NBEA: variants seen among roughly 807,000 people sequenced by gnomAD.
The protein encoded by NBEA is lysosomal-trafficking regulator 2.
A neutral mutation model predicts 343.4 loss-of-function variants in NBEA; 44 were observed. The ratio of observed to expected loss-of-function variants is 0.13; its 90% CI spans 0.10 to 0.16. The LOEUF is 0.16. Among genes scored for constraint, NBEA ranks in the 10% least tolerant of loss-of-function variants. NBEA has a pLI of 1.00. For missense variants in NBEA, 2,555 were observed against 3,631.3 expected (o/e 0.70, Z 7.62); for synonymous variants, 1,175 against 1,238.7 (o/e 0.95, Z 1.08).
At chr13:34,977,658 A>G (rs1243628376) in intron 1 of NBEA, among the ~76,000 whole-genome samples, 1 of 152,180 alleles carries the variant, frequency 6.6e-6, no homozygotes, top group African/African-American at 2.4e-5. Context: ...ATTAATCTGT[A>G]TTGAGAAGTA....
intron 10 of NBEA, 75 bp from the exon 11 acceptor site, chr13:35,098,222 T>A: frequency 9.8e-7 from 1 of 1,022,062 alleles, no homozygotes; most frequent in African/African-American, 1.6e-5. Context: ...TTTGGCATAA[T>A]AAAATACTGA....
chr13:35,609,841 G>A (rs2082428804), intron 48 of NBEA, among the ~76,000 whole-genome samples: 1 of 152,128 alleles, frequency 6.6e-6, no homozygotes, highest in Non-Finnish European at 1.5e-5. Context: ...TGCGCAGAAT[G>A]CTGTTTGGAA....
intron 46 of NBEA, among the ~76,000 whole-genome samples, chr13:35,587,871 C>T (rs906457840): frequency 2.0e-5 from 3 of 152,182 alleles, no homozygotes; most frequent in South Asian, 2.1e-4. Context: ...CCTACACATG[C>T]CCTTGTCTAT....
Position 35,621,528 on chromosome 13 carries a change from A to G in NBEA, c.7450-6553A>G, listed in dbSNP as rs1014742358. Among the ~76,000 whole-genome samples, 9 of 151,990 alleles carry G rather than the reference A, an allele frequency of 5.9e-5. No homozygotes were observed. In the East Asian group the frequency reaches 1.7e-3, roughly 29 times the overall value. ...TGCTGACACACCCTGTATCTTACTAATTATGTTAGTTTTTGTTGGTCTCCT... is the reference window on the plus strand; with the variant it reads ...TGCTGACACACCCTGTATCTTACTAGTTATGTTAGTTTTTGTTGGTCTCCT... On this transcript the variant is annotated intron_variant, in intron 48 of 58. Transcript: ENST00000379939.
intron 36 of NBEA, among the ~76,000 whole-genome samples, chr13:35,338,619 G>A (rs774863325): frequency 6.6e-6 from 1 of 151,972 alleles, no homozygotes; most frequent in African/African-American, 2.4e-5. Context: ...TATGAGGCGA[G>A]TATTACCCTT....
chr13:35,559,630 C>T (rs549019865), intron 44 of NBEA, among the ~76,000 whole-genome samples: 1 of 152,112 alleles, frequency 6.6e-6, no homozygotes, highest in Non-Finnish European at 1.5e-5. Context: ...TTGAAACATT[C>T]CTTGGCCGGG....
chr13:35,066,170 A>G (rs1459809307), intron 8 of NBEA, among the ~76,000 whole-genome samples: 3 of 152,070 alleles, frequency 2.0e-5, no homozygotes. Context: ...TCTGTTGCTC[A>G]AGCTAGTTTT....
chr13:35,230,778 C>G (rs530498283), intron 33 of NBEA, among the ~76,000 whole-genome samples: 3 of 152,080 alleles, frequency 2.0e-5, no homozygotes, highest in Middle Eastern at 3.4e-3. Context: ...AGTAAATACT[C>G]TCATTAAAAC....
chr13:35,525,936 G>A (rs890860604), intron 41 of NBEA, among the ~76,000 whole-genome samples: 9 of 152,110 alleles, frequency 5.9e-5, no homozygotes, highest in Non-Finnish European at 1.3e-4. Context: ...TTACAGATTA[G>A]GTTTTAGCAT....
rs56158354 is a variant in NBEA, at chr13:34,993,481, A to C, written c.295-47452A>C. Among the ~76,000 whole-genome samples, 645 of 152,370 alleles carry C rather than the reference A, an allele frequency of 4.2e-3. 5 individuals are homozygous for C. The highest frequency in any genetic ancestry group is 0.014 in the Middle Eastern group (4 of 294). ...AGATGCTCAATAAATGCTGGAAGGA[A>C]TAAATCCAGAGATGAATTGCTTATT... On this transcript the variant is annotated intron_variant, in intron 1 of 58. Transcript: ENST00000379939.
intron 1 of NBEA, among the ~76,000 whole-genome samples, chr13:35,027,175 C>T (rs2062045012): frequency 6.6e-6 from 1 of 151,992 alleles, no homozygotes; most frequent in Non-Finnish European, 1.5e-5. Context: ...GTTGTTTCTA[C>T]TTTATGGCTA....
At chr13:35,577,845 T>C (rs959893600) in intron 45 of NBEA, among the ~76,000 whole-genome samples, 2 of 152,156 alleles carry the variant, frequency 1.3e-5, no homozygotes, top group African/African-American at 4.8e-5. Context: ...GCTTTACAGA[T>C]GCAATTTGAA....
At chr13:35,289,192 C>A (rs905214766) in intron 34 of NBEA, among the ~76,000 whole-genome samples, 1 of 151,944 alleles carries the variant, frequency 6.6e-6, no homozygotes, top group African/African-American at 2.4e-5. Context: ...GGTTTCACTT[C>A]GATTTTCCAT....
Position 35,294,483 on chromosome 13 carries a change from C to T in NBEA, c.5838+4033C>T, listed in dbSNP as rs147286640. On this transcript the variant is annotated intron_variant, in intron 35 of 58. Coordinates refer to ENST00000379939, the MANE Select transcript of NBEA (RefSeq NM_001385012.1). ...AAGAAGATTTCAAATATAAGGAAACCAGGGATGGAGTAGATGTTTTTTCCC... is the reference window on the plus strand; with the variant it reads ...AAGAAGATTTCAAATATAAGGAAACTAGGGATGGAGTAGATGTTTTTTCCC... Among the ~76,000 whole-genome samples, 26 of 152,012 alleles carry T rather than the reference C, an allele frequency of 1.7e-4. No homozygotes were observed. In the South Asian group the frequency reaches 3.1e-3, roughly 18 times the overall value.
At chr13:35,560,830 C>T (rs947737396) in intron 44 of NBEA, among the ~76,000 whole-genome samples, 1 of 152,138 alleles carries the variant, frequency 6.6e-6, no homozygotes, top group African/African-American at 2.4e-5. Flanking sequence ...TAGCTGAACA[C>T]CACCAGCCAT....
rs2069233496 is a variant in NBEA at position 35,157,273 on chromosome 13, A to G, written c.2844+3A>G. Reference sequence around the variant, plus strand: ...CCCTCTCAATAGCCCATTCCAAGGTAACACGGGATTTAACATTTTAACATC... The same window carrying G: ...CCCTCTCAATAGCCCATTCCAAGGTGACACGGGATTTAACATTTTAACATC... On this transcript the variant is annotated splice_donor_region_variant and intron_variant, in intron 21 of 58. Transcript: ENST00000379939. 3.9e-6 allele frequency: 6 copies of G among 1,533,780 alleles called. No individual in the cohort carries two copies. Among genetic ancestry groups the G allele is most frequent in the Non-Finnish European group, 5.3e-6 (6 of 1,139,530 alleles).
chr13:35,045,077 A>C (rs766183443), intron 3 of NBEA, 30 bp downstream of exon 3: 1 of 1,551,530 alleles, frequency 6.4e-7, no homozygotes, highest in Non-Finnish European at 8.8e-7. Context: ...AAAGGTATTC[A>C]GTATCAGTCC....
intron 40 of NBEA, among the ~76,000 whole-genome samples, chr13:35,467,685 T>C (rs1255884854): frequency 6.6e-6 from 1 of 152,176 alleles, no homozygotes; most frequent in East Asian, 1.9e-4. Flanking sequence ...CTAAATAATG[T>C]CAGGATTTTA....
intron 40 of NBEA, among the ~76,000 whole-genome samples, chr13:35,471,145 G>A (rs1369105395): frequency 1.3e-5 from 2 of 152,162 alleles, no homozygotes; most frequent in Non-Finnish European, 2.9e-5. Flanking sequence ...CCTTGTAATC[G>A]CGACAGAAGC....
Sources: gnomAD v4.1 joint callset for allele counts (sites outside exome capture counted in the v4.1 genomes callset) on GRCh38, gnomAD v4.1.1 for gene constraint, MANE v1.5 for transcripts, NCBI Gene and HGNC (gene_info 2026-07-23, HGNC 2026-07-21) for gene names.